Variants in VWA3B observed in about 807,000 individuals in gnomAD.
The protein encoded by VWA3B is von Willebrand factor A domain-containing protein 3B.
A neutral mutation model predicts 158.3 loss-of-function variants in VWA3B; 138 were observed. The observed-to-expected ratio is 0.87, with a 90% CI of 0.76 to 1.00. The LOEUF (loss-of-function observed/expected upper bound fraction) is 1.00, where lower values mean the gene tolerates loss of function less well. Ranked by LOEUF, VWA3B falls within the 50% of genes least tolerant of loss-of-function variation. The probability of loss-of-function intolerance (pLI) is 0.00; values close to 1 mark genes in which losing one functional copy is unlikely to be tolerated. For synonymous variants in VWA3B, 596 were observed against 587.3 expected (o/e 1.01, Z -0.21); for missense variants, 1,555 against 1,565.1 (o/e 0.99, Z 0.11).
chr2:98,179,410 T>TA (rs1553404425), intron 8 of VWA3B: 50 of 462,888 alleles, frequency 1.1e-4, no homozygotes, highest in South Asian at 7.8e-4. Flanking sequence ...ATTGGCATTG[T>TA]GGTTATTCTT....
intron 9 of VWA3B, among the ~76,000 whole-genome samples, chr2:98,184,613 C>T (rs1680862588): frequency 1.3e-5 from 2 of 152,248 alleles, no homozygotes; most frequent in African/African-American, 4.8e-5. Context: ...CTCTCTGACT[C>T]CTAAAATCCC....
intron 2 of VWA3B, among the ~76,000 whole-genome samples, chr2:98,101,127 A>G (rs1256100577): frequency 6.6e-6 from 1 of 152,210 alleles, no homozygotes; most frequent in African/African-American, 2.4e-5. Context: ...GATTAAAACA[A>G]TAGCTGTGTG....
At position 98,129,230 on chromosome 2, in the gene VWA3B, T is replaced by A. The variant is rs147368827; in HGVS notation, c.872+822T>A. 5.6e-3 allele frequency among the ~76,000 whole-genome samples: 711 copies of A among 126,218 alleles called. 4 individuals carry two copies. The highest frequency in any genetic ancestry group is 0.02 in the African/African-American group (527 of 26,504). The allele number at this position is 126,218 out of a possible 152,430, so 82.8% of individuals were successfully genotyped here. ...AGGAGAGAGAGAGAGAGAGAGTGTGTGTGTGTGTGTGTGTGTGTGTGTGTG... is the reference window on the plus strand; with the variant it reads ...AGGAGAGAGAGAGAGAGAGAGTGTGAGTGTGTGTGTGTGTGTGTGTGTGTG... On this transcript the variant is annotated intron_variant, in intron 6 of 27. Transcript: ENST00000477737.
intron 7 of VWA3B, among the ~76,000 whole-genome samples, chr2:98,134,392 C>G (rs147280309): frequency 4.6e-5 from 7 of 152,170 alleles, no homozygotes; most frequent in Non-Finnish European, 8.8e-5. Context: ...GCACAGGAAC[C>G]TTTACGGAGG....
At chr2:98,139,788 G>C (rs1372082283) in intron 7 of VWA3B, among the ~76,000 whole-genome samples, 2 of 152,168 alleles carry the variant, frequency 1.3e-5, no homozygotes, top group African/African-American at 2.4e-5. Context: ...CAGAATGTGG[G>C]TGGGGCCAGA....
intron 6 of VWA3B, among the ~76,000 whole-genome samples, chr2:98,130,957 G>C (rs962637663): frequency 3.9e-5 from 6 of 152,102 alleles, no homozygotes; most frequent in Non-Finnish European, 8.8e-5. Flanking sequence ...TCTGGCTATT[G>C]TGAAATATAA....
At chr2:98,254,570 G>T (rs1686992558) in intron 20 of VWA3B, among the ~76,000 whole-genome samples, 1 of 152,148 alleles carries the variant, frequency 6.6e-6, no homozygotes, top group Non-Finnish European at 1.5e-5. Context: ...GAAGCACTGA[G>T]CTGACTTATT....
At chr2:98,136,324 C>T (rs781141760) in intron 7 of VWA3B, among the ~76,000 whole-genome samples, 9 of 152,180 alleles carry the variant, frequency 5.9e-5, no homozygotes, top group Non-Finnish European at 1.0e-4. Flanking sequence ...CCCATCACCA[C>T]CCTTTTCATC....
rs528816306 is a variant in VWA3B, at chr2:98,165,558, C to T, written c.1114+2582C>T. ...TGCAGAGGGCAGAGGGCAGGGAGGT[C>T]AGGCCGGCTGGGAAAGGGATGCAGT... On this transcript the variant is annotated intron_variant, in intron 8 of 27. Transcript: ENST00000477737. 1.4e-3 allele frequency among the ~76,000 whole-genome samples: 215 copies of T among 152,162 alleles called. 1 individual carries two copies. In the Middle Eastern group the frequency reaches 0.02, roughly 14 times the overall value.
intron 8 of VWA3B, among the ~76,000 whole-genome samples, chr2:98,168,552 A>T (rs568300933): frequency 6.6e-6 from 1 of 152,318 alleles, no homozygotes; most frequent in East Asian, 1.9e-4. Context: ...AAGATATTTA[A>T]AAAGACGCAT....
intron 25 of VWA3B, 103 bp downstream of exon 25, chr2:98,300,319 G>T (rs971675995): frequency 1.9e-4 from 284 of 1,514,436 alleles, no homozygotes; most frequent in Admixed American, 6.9e-4. Context: ...GGCTGCATCT[G>T]CTGCCCTGCT....
chr2:98,244,609 A>G (rs564323366), intron 19 of VWA3B, among the ~76,000 whole-genome samples: 5 of 152,250 alleles, frequency 3.3e-5, no homozygotes, highest in Non-Finnish European at 5.9e-5. Context: ...GTTAATTTAT[A>G]TATAGTTTTA....
intron 13 of VWA3B, among the ~76,000 whole-genome samples, chr2:98,215,904 C>G (rs946121398): frequency 1.5e-4 from 23 of 151,752 alleles, no homozygotes. Flanking sequence ...TTTCATTATT[C>G]CTTGGATTCT....
rs1284385926 is a variant in VWA3B at position 98,300,145 on chromosome 2, G to A, written c.3349G>A (p.Val1117Ile). 6.2e-7 allele frequency: 1 copy of A among 1,614,066 alleles called. No homozygotes were observed. The highest frequency in any genetic ancestry group is 2.2e-5 in the East Asian group (1 of 44,896). Reference protein sequence around the residue: ...KGFDFYVPAIVIALPNKHVAT... With the variant: ...KGFDFYVPAIIIALPNKHVAT... ...ATTTGACTTCTATGTCCCTGCCATT[G>A]TCATAGCACTTCCCAATAAGCATGT... Residue 1117 changes from valine (V) to isoleucine (I), a missense_variant, in exon 25 of 28, where the codon GTC (valine) becomes ATC (isoleucine). Coordinates refer to ENST00000477737, the MANE Select transcript of VWA3B (RefSeq NM_144992.5).
intron 7 of VWA3B, among the ~76,000 whole-genome samples, chr2:98,158,267 G>C (rs1209879450): frequency 1.3e-5 from 2 of 151,736 alleles, no homozygotes; most frequent in Non-Finnish European, 2.9e-5. Flanking sequence ...AAAAGACACT[G>C]TCCCTATGCT....
In VWA3B at chr2:98,295,876, C is replaced by T. The variant is rs137953536; in HGVS notation, c.3158-2031C>T. On this transcript the variant is annotated intron_variant, in intron 23 of 27. Transcript: ENST00000477737. ...AGTGGTGGGACAGGCCAGTCCTGGG[C>T]CCTACAGCTGCCCAGAGTGAGGCCA... 1.2e-4 allele frequency among the ~76,000 whole-genome samples: 18 copies of T among 152,310 alleles called. No homozygotes were observed. The East Asian group carries it at 3.1e-3, about 26-fold the overall frequency.
In VWA3B at chr2:98,312,961, T is replaced by G. The variant is rs758112630; in HGVS notation, c.*612T>G. 1.3e-5 allele frequency: 2 copies of G among 152,260 alleles called. No homozygotes were observed. Among genetic ancestry groups the G allele is most frequent in the African/African-American group, 2.4e-5 (1 of 41,464 alleles). The allele number at this position is 152,260 out of a possible 1,614,324, so 9.4% of individuals were successfully genotyped here. A position where few individuals can be genotyped will look rare whatever the true frequency, so the allele number is the denominator to read the frequency against. On this transcript the variant is annotated 3_prime_UTR_variant, in exon 28 of 28. Coordinates refer to ENST00000477737, the MANE Select transcript of VWA3B (RefSeq NM_144992.5). The stretch of plus-strand genomic sequence containing the variant: ...ATTTCAAAACCATTGGATTGTTGGA[T>G]TATTTGTTACCATTTTTCTCTGAAC...
At chr2:98,326,459 T>C in the VWA3B span, among the ~76,000 whole-genome samples, 4 of 152,188 alleles carry the variant, frequency 2.6e-5, no homozygotes, top group African/African-American at 7.2e-5. Context: ...TTTTATCAAA[T>C]ATTTGAAGAC....
intron 7 of VWA3B, among the ~76,000 whole-genome samples, chr2:98,152,942 G>A (rs1168966925): frequency 6.6e-6 from 1 of 152,224 alleles, no homozygotes; most frequent in Non-Finnish European, 1.5e-5. Flanking sequence ...CTTTAAGGTG[G>A]TTTCATGTAT....
Sources: gnomAD v4.1 joint callset for allele counts (sites outside exome capture counted in the v4.1 genomes callset) on GRCh38, gnomAD v4.1.1 for gene constraint, MANE v1.5 for transcripts, NCBI Gene and HGNC (gene_info 2026-07-23, HGNC 2026-07-21) for gene names.